Variants in CAST observed in about 807,000 individuals in gnomAD.
The protein encoded by CAST is MIR583 host.
In CAST, 76 loss-of-function variants were observed where a neutral mutation model predicts 119.6. The ratio of observed to expected loss-of-function variants is 0.64; its 90% CI spans 0.53 to 0.77. The LOEUF (loss-of-function observed/expected upper bound fraction) is 0.77. Ranked by LOEUF, CAST falls within the 30% of genes least tolerant of loss-of-function variation. The probability of loss-of-function intolerance (pLI) is 0.00; values close to 1 mark genes in which losing one functional copy is unlikely to be tolerated. For missense variants in CAST, 953 were observed against 946.5 expected (o/e 1.01, Z -0.09); for synonymous variants, 319 against 331.6 (o/e 0.96, Z 0.41).
In CAST at chr5:96,762,306, C is replaced by T. The variant is rs754035906; in HGVS notation, c.1866C>T (p.Ile622=). The T allele has an allele frequency of 5.0e-6, 8 of 1,608,984 alleles. No homozygotes were observed. In the South Asian group the frequency reaches 7.8e-5, roughly 16 times the overall value. The part of the protein sequence containing the change: ...KFEDAKLAAA[I]SEVVSQTPAS... Reference sequence around the variant, plus strand: ...AAGATGCTAAACTTGCTGCTGCCATCTCTGAAGTGGTTTCCCAAACCCCAG... The same window carrying T: ...AAGATGCTAAACTTGCTGCTGCCATTTCTGAAGTGGTTTCCCAAACCCCAG... Residue 622 remains isoleucine, a synonymous_variant, in exon 25 of 32, where the codon ATC becomes ATT. Coordinates refer to ENST00000675179, the MANE Select transcript of CAST (RefSeq NM_001750.7).
chr5:96,147,296 C>T, the CAST span, among the ~76,000 whole-genome samples: 4 of 152,216 alleles, frequency 2.6e-5, no homozygotes, highest in African/African-American at 9.6e-5. Flanking sequence ...GTAAAAACTA[C>T]TTTTAACCTT....
chr5:96,688,421 C>T (rs1177882388), intron 2 of CAST, among the ~76,000 whole-genome samples: 1 of 152,150 alleles, frequency 6.6e-6, no homozygotes, highest in Non-Finnish European at 1.5e-5. Flanking sequence ...TACATGATGA[C>T]TTACTTATAT....
the CAST span, among the ~76,000 whole-genome samples, chr5:96,328,019 C>T: frequency 5.3e-5 from 8 of 152,228 alleles, no homozygotes; most frequent in Non-Finnish European, 1.0e-4. Context: ...AGATCTCTAC[C>T]AGCAACTCAA....
At chr5:96,169,046 C>T in the CAST span, among the ~76,000 whole-genome samples, 9 of 152,214 alleles carry the variant, frequency 5.9e-5, no homozygotes, top group African/African-American at 1.7e-4. Flanking sequence ...GGCGCGGTCC[C>T]GGCTCTTGTG....
the CAST span, among the ~76,000 whole-genome samples, chr5:96,083,044 C>G: frequency 1.3e-5 from 2 of 152,158 alleles, no homozygotes; most frequent in Admixed American, 1.3e-4. Context: ...GGGTATTTGG[C>G]TTTCATGAAA....
chr5:96,493,982 C>A, the CAST span, among the ~76,000 whole-genome samples: 2 of 152,142 alleles, frequency 1.3e-5, no homozygotes, highest in Admixed American at 6.5e-5. Context: ...CTGCAGTGAG[C>A]AAGATCATGC....
At chr5:96,425,040 G>GAAAGAAAA in the CAST span, among the ~76,000 whole-genome samples, 3 of 140,240 alleles carry the variant, frequency 2.1e-5, no homozygotes, top group Admixed American at 7.7e-5. Context: ...AAGAAAGAAA[G>GAAAGAAAA]AAAGAAAGAA....
chr5:96,269,541 ACT>A, the CAST span, among the ~76,000 whole-genome samples: 1 of 152,184 alleles, frequency 6.6e-6, no homozygotes, highest in Non-Finnish European at 1.5e-5. Context: ...AACATGAAAG[ACT>A]CAAATAAATA....
chr5:96,536,873 CGT>C (rs947702940), intron 1 of CAST, among the ~76,000 whole-genome samples: 27 of 152,052 alleles, frequency 1.8e-4, no homozygotes, highest in Non-Finnish European at 3.7e-4. Context: ...AAGAATATAA[CGT>C]GTGATTTAAA....
intron 1 of CAST, among the ~76,000 whole-genome samples, chr5:96,561,399 G>A (rs993546733): frequency 6.6e-6 from 1 of 151,580 alleles, no homozygotes; most frequent in African/African-American, 2.4e-5. Context: ...AAAAGAATGA[G>A]TTCATGTCCT....
the CAST span, among the ~76,000 whole-genome samples, chr5:96,061,234 C>T: frequency 2.6e-5 from 4 of 152,004 alleles, no homozygotes. Context: ...GAGAATTATA[C>T]ACCATTCAAT....
At chr5:95,995,071 C>T in the CAST span, among the ~76,000 whole-genome samples, 3 of 152,224 alleles carry the variant, frequency 2.0e-5, no homozygotes, top group East Asian at 5.8e-4. Flanking sequence ...GTTGTTTCAA[C>T]CCTTGGAGCA....
the CAST span, among the ~76,000 whole-genome samples, chr5:96,211,976 T>G: frequency 5.9e-5 from 9 of 152,120 alleles, no homozygotes; most frequent in Non-Finnish European, 1.2e-4. Context: ...TGTCATGATA[T>G]TCCCTGTTGT....
chr5:96,254,793 T>C, the CAST span, among the ~76,000 whole-genome samples: 1 of 152,148 alleles, frequency 6.6e-6, no homozygotes, highest in Non-Finnish European at 1.5e-5. Flanking sequence ...TATTTTGGAA[T>C]AGGTGAAGAT....
the CAST span, among the ~76,000 whole-genome samples, chr5:96,366,892 G>A: frequency 0.31 from 46,631 of 152,080 alleles, 7,869 homozygotes; most frequent in Admixed American, 0.42. Flanking sequence ...CCTTTGGAGG[G>A]GGAGAGGCGC....
At chr5:96,006,377 C>T in the CAST span, among the ~76,000 whole-genome samples, 10 of 127,278 alleles carry the variant, frequency 7.9e-5, no homozygotes, top group East Asian at 2.4e-4. Context: ...AAAGAAAAAT[C>T]GCAAAAAAAA....
chr5:96,549,208 A>G (rs1435919242), intron 1 of CAST, among the ~76,000 whole-genome samples: 5 of 152,244 alleles, frequency 3.3e-5, no homozygotes, highest in Non-Finnish European at 7.3e-5. Context: ...CTAGCACATG[A>G]ATACACAAGT....
intron 9 of CAST, among the ~76,000 whole-genome samples, chr5:96,734,858 A>G (rs1233816235): frequency 6.6e-6 from 1 of 152,226 alleles, no homozygotes; most frequent in Non-Finnish European, 1.5e-5. Flanking sequence ...CCAAAGAAAT[A>G]TGTCTAGCAA....
the CAST span, among the ~76,000 whole-genome samples, chr5:96,004,737 T>A: frequency 1.3e-5 from 2 of 152,156 alleles, no homozygotes; most frequent in Non-Finnish European, 2.9e-5. Flanking sequence ...AATATGGGAA[T>A]GTAGTCTTTA....
Sources: gnomAD v4.1 joint callset for allele counts (sites outside exome capture counted in the v4.1 genomes callset) on GRCh38, gnomAD v4.1.1 for gene constraint, MANE v1.5 for transcripts, NCBI Gene and HGNC (gene_info 2026-07-23, HGNC 2026-07-21) for gene names.